Variants in CACNA1D observed in about 807,000 individuals in gnomAD.
CACNA1D encodes the protein calcium voltage-gated channel subunit alpha1 D.
Under a neutral mutation model 257.1 loss-of-function variants are expected in CACNA1D, and 55 were observed. The ratio of observed to expected loss-of-function variants is 0.21; its 90% CI spans 0.17 to 0.27. The LOEUF (loss-of-function observed/expected upper bound fraction) is 0.27. Ranked by LOEUF, CACNA1D falls within the 10% of genes least tolerant of loss-of-function variation. CACNA1D has a pLI of 1.00. For missense variants in CACNA1D, 1,876 were observed against 2,784.0 expected, an observed-to-expected ratio of 0.67 and a Z score of 7.34; for synonymous variants, 980 against 1,014.9, an observed-to-expected ratio of 0.97 and a Z score of 0.65.
At chr3:53,561,469 G>A (rs2092737537) in intron 3 of CACNA1D, among the ~76,000 whole-genome samples, 1 of 152,124 alleles carries the variant, frequency 6.6e-6, no homozygotes, top group Admixed American at 6.6e-5. Context: ...TTGTCAGTGA[G>A]CATCCTAATC....
At chr3:53,713,494 C>CTGTG (rs1292006074) in intron 9 of CACNA1D, among the ~76,000 whole-genome samples, 24 of 110,746 alleles carry the variant, frequency 2.2e-4, no homozygotes, top group African/African-American at 4.9e-4. Context: ...CTCATTTGCT[C>CTGTG]TGTGTGTATG....
At chr3:53,555,212 C>G (rs773882878) in intron 3 of CACNA1D, among the ~76,000 whole-genome samples, 1 of 152,134 alleles carries the variant, frequency 6.6e-6, no homozygotes, top group Non-Finnish European at 1.5e-5. Flanking sequence ...TTTAGTGTCA[C>G]GGGCTTGTGA....
chr3:53,771,907 G>T (rs1236719289), intron 32 of CACNA1D, among the ~76,000 whole-genome samples: 1 of 152,262 alleles, frequency 6.6e-6, no homozygotes. Context: ...GGGAGGGCCA[G>T]GCTGGCAGGC....
rs1405960320 is a variant in CACNA1D, at chr3:53,607,695, CATTTT to C, written c.484-43083_484-43079del. ...AGCTTTTGCATGTAGCTCTATGATT[CATTTT>C]GAGATAATTTTATATAAGGTATCTG... On this transcript the variant is annotated intron_variant, in intron 3 of 47. Transcript: ENST00000350061. 2.0e-5 allele frequency among the ~76,000 whole-genome samples: 3 copies of C among 152,322 alleles called. No homozygotes were observed. The East Asian group carries it at 5.8e-4, about 29-fold the overall frequency.
At chr3:53,521,534 AGGACTG>A (rs2091575643) in intron 3 of CACNA1D, among the ~76,000 whole-genome samples, 1 of 152,200 alleles carries the variant, frequency 6.6e-6, no homozygotes, top group Non-Finnish European at 1.5e-5. Flanking sequence ...CCACAAAACC[AGGACTG>A]GAGTATAAGT....
At chr3:53,679,496 A>G (rs1032109715) in intron 8 of CACNA1D, 1 of 152,078 alleles carries the variant, frequency 6.6e-6, no homozygotes, top group African/African-American at 2.4e-5. Context: ...CACCATATTC[A>G]GAATAAAACT....
chr3:53,808,642 T>G lies in CACNA1D; in HGVS notation c.5750-7T>G. 6.2e-7 allele frequency: 1 copy of G among 1,606,804 alleles called. No homozygotes were observed. Among genetic ancestry groups the G allele is most frequent in the East Asian group, 2.2e-5 (1 of 44,854 alleles). Reference sequence around the variant, plus strand: ...TCACAGCTGTGTGATGCCCTTTGCTTTCCCAGCCCACCGGAGATCCTCCTT... The same window carrying G: ...TCACAGCTGTGTGATGCCCTTTGCTGTCCCAGCCCACCGGAGATCCTCCTT... On this transcript the variant is annotated splice_polypyrimidine_tract_variant and splice_region_variant and intron_variant, in intron 45 of 47. Coordinates refer to ENST00000350061, the MANE Select transcript of CACNA1D (RefSeq NM_001128840.3).
intron 5 of CACNA1D, among the ~76,000 whole-genome samples, chr3:53,662,060 C>A (rs777766494): frequency 6.6e-6 from 1 of 152,120 alleles, no homozygotes; most frequent in Non-Finnish European, 1.5e-5. Context: ...GGTTGGCAGC[C>A]GTGGCCTGCT....
intron 37 of CACNA1D, 31 bp downstream of exon 37, chr3:53,776,987 T>C (rs1226696843): frequency 1.3e-6 from 2 of 1,516,290 alleles, no homozygotes; most frequent in Non-Finnish European, 1.8e-6. Context: ...TCTGACAGCC[T>C]GTCTTGTAGA....
intron 3 of CACNA1D, among the ~76,000 whole-genome samples, chr3:53,623,342 G>A (rs973277475): frequency 1.1e-4 from 16 of 152,190 alleles, no homozygotes; most frequent in African/African-American, 3.6e-4. Context: ...AGGGTTTAGG[G>A]GTTGAGTGTA....
rs1403522506 is a variant in CACNA1D, at chr3:53,758,537, T to G, written c.3787-3461T>G. ...AGATGTGCCTTCCAGGAGCCCACTG[T>G]CCAGCAGGAGACAAACATTGATGGA... On this transcript the variant is annotated intron_variant, in intron 29 of 47. Coordinates refer to ENST00000350061, the MANE Select transcript of CACNA1D (RefSeq NM_001128840.3). 2.6e-5 allele frequency among the ~76,000 whole-genome samples: 4 copies of G among 152,186 alleles called. No homozygotes were observed. The South Asian group carries it at 8.3e-4, about 32-fold the overall frequency.
At chr3:53,535,055 A>C (rs895629124) in intron 3 of CACNA1D, among the ~76,000 whole-genome samples, 1 of 152,146 alleles carries the variant, frequency 6.6e-6, no homozygotes, top group African/African-American at 2.4e-5. Context: ...GTTTGTAGGT[A>C]CACACAGGCA....
chr3:53,596,269 G>A (rs1229072783), intron 3 of CACNA1D, among the ~76,000 whole-genome samples: 1 of 151,772 alleles, frequency 6.6e-6, no homozygotes, highest in Non-Finnish European at 1.5e-5. Flanking sequence ...TGTACCCTTT[G>A]AGTGCCCCTG....
intron 3 of CACNA1D, among the ~76,000 whole-genome samples, chr3:53,511,898 T>C (rs1205976403): frequency 6.6e-6 from 1 of 152,230 alleles, no homozygotes; most frequent in Non-Finnish European, 1.5e-5. Flanking sequence ...TTTGAATATA[T>C]GTGGTTTTAT....
At chr3:53,627,306 G>A (rs2093770237) in intron 3 of CACNA1D, among the ~76,000 whole-genome samples, 1 of 152,184 alleles carries the variant, frequency 6.6e-6, no homozygotes, top group Non-Finnish European at 1.5e-5. Context: ...TAGCCACCCT[G>A]TGGGGCCCAC....
intron 3 of CACNA1D, among the ~76,000 whole-genome samples, chr3:53,594,151 G>A (rs912445521): frequency 1.3e-5 from 2 of 152,204 alleles, no homozygotes; most frequent in Non-Finnish European, 2.9e-5. Context: ...GAACAGAAAG[G>A]CTTTCACCCA....
chr3:53,806,895 C>T (rs1162790719), intron 45 of CACNA1D, among the ~76,000 whole-genome samples: 1 of 152,228 alleles, frequency 6.6e-6, no homozygotes, highest in African/African-American at 2.4e-5. Flanking sequence ...AGTTCCACTG[C>T]CTTCCTCGGG....
chr3:53,721,229 A>T (rs2094879835), intron 11 of CACNA1D, among the ~76,000 whole-genome samples: 3 of 152,174 alleles, frequency 2.0e-5, no homozygotes. Context: ...ACCTTACTTG[A>T]TCCAGGTTTT....
chr3:53,697,626 A>G (rs1057049187), intron 8 of CACNA1D, among the ~76,000 whole-genome samples: 17 of 152,324 alleles, frequency 1.1e-4, no homozygotes, highest in African/African-American at 4.1e-4. Context: ...ACAGTGAATA[A>G]TCCATGTACC....
Sources: gnomAD v4.1 joint callset for allele counts (sites outside exome capture counted in the v4.1 genomes callset) on GRCh38, gnomAD v4.1.1 for gene constraint, MANE v1.5 for transcripts, NCBI Gene and HGNC (gene_info 2026-07-23, HGNC 2026-07-21) for gene names.